Variants in NECTIN3 observed in about 807,000 individuals in gnomAD.
The protein encoded by NECTIN3 is nectin cell adhesion molecule 3.
A neutral mutation model predicts 49.4 loss-of-function variants in NECTIN3; 8 were observed. The ratio of observed to expected loss-of-function variants is 0.16; its 90% CI spans 0.10 to 0.29. The LOEUF (loss-of-function observed/expected upper bound fraction) is 0.29. Ranked by LOEUF, NECTIN3 falls within the 10% of genes least tolerant of loss-of-function variation. The pLI, the probability that NECTIN3 is intolerant of heterozygous loss-of-function variation, is 1.00. For missense variants in NECTIN3, 581 were observed against 654.6 expected, an observed-to-expected ratio of 0.89 and a Z score of 1.23; for synonymous variants, 277 against 241.1, an observed-to-expected ratio of 1.15 and a Z score of -1.38.
At chr3:111,139,271 T>C (rs190321319), downstream of NECTIN3, among the ~76,000 whole-genome samples, 1 of 151,830 alleles carries the variant, frequency 6.6e-6, no homozygotes, top group East Asian at 1.9e-4. Context: ...TATTTTGCAG[T>C]TTTAATCAGG....
chr3:111,189,269 G>T (rs2107537625), upstream of NECTIN3, among the ~76,000 whole-genome samples: 1 of 152,298 alleles, frequency 6.6e-6, no homozygotes. Context: ...AAAATGGTAT[G>T]AGCAGACTGT....
rs1189120201 is a variant in NECTIN3 at position 111,072,098 on chromosome 3, C to T, written c.81C>T (p.Ala27=). The change falls in exon 1 of 6, where the codon GCC becomes GCT. Residue 27 remains alanine (A), a synonymous_variant. Coordinates refer to ENST00000485303, the MANE Select transcript of NECTIN3 (RefSeq NM_015480.3). ...TTTCCTCCGCTTCTCTCCTCGGAGC[C>T]GGGCTCCTGCTGCAGCCCCCGACGC... is the stretch of plus-strand genomic sequence containing the variant. ...AQLSSASLLG[A]GLLLQPPTPP... is the part of the protein sequence containing the mutation. 1.3e-6 allele frequency: 2 copies of T among 1,549,494 alleles called. No individual in the cohort carries two copies. The highest frequency in any genetic ancestry group is 1.4e-5 in the African/African-American group (1 of 72,898).
intron 1 of NECTIN3, among the ~76,000 whole-genome samples, chr3:111,193,971 T>C (rs2035860053): frequency 6.6e-6 from 1 of 152,100 alleles, no homozygotes. Flanking sequence ...TTTTAAACCT[T>C]TGTGTTATTA....
chr3:111,156,174 G>T (rs1322230100), intron 7 of NECTIN3, among the ~76,000 whole-genome samples: 1 of 152,058 alleles, frequency 6.6e-6, no homozygotes, highest in Non-Finnish European at 1.5e-5. Context: ...AGCCTTCACT[G>T]GTGCTTAAAG....
chr3:111,141,467 C>T (rs1311028353), downstream of NECTIN3, among the ~76,000 whole-genome samples: 5 of 151,566 alleles, frequency 3.3e-5, no homozygotes, highest in Non-Finnish European at 7.4e-5. Flanking sequence ...AAAAATACTT[C>T]AATTTATTAT....
At chr3:111,167,824 C>T (rs2035349520) in intron 7 of NECTIN3, among the ~76,000 whole-genome samples, 1 of 152,136 alleles carries the variant, frequency 6.6e-6, no homozygotes, top group African/African-American at 2.4e-5. Flanking sequence ...GAAAAATCCC[C>T]CTTTTCACAA....
intron 7 of NECTIN3, among the ~76,000 whole-genome samples, chr3:111,152,370 C>T (rs1486289748): frequency 1.3e-5 from 2 of 151,684 alleles, no homozygotes; most frequent in Non-Finnish European, 3.0e-5. Context: ...ATAAAAATAC[C>T]TGTTTCTCCA....
At chr3:111,152,394 A>T (rs2035018323) in intron 7 of NECTIN3, among the ~76,000 whole-genome samples, 1 of 151,894 alleles carries the variant, frequency 6.6e-6, no homozygotes, top group Admixed American at 6.6e-5. Context: ...CCTCACCAAT[A>T]GTATGTATAT....
chr3:111,138,851 C>T (rs1474303114), downstream of NECTIN3, among the ~76,000 whole-genome samples: 3 of 151,514 alleles, frequency 2.0e-5, no homozygotes, highest in East Asian at 1.9e-4. Context: ...ACATGATATG[C>T]AAGTTGTACA....
intron 1 of NECTIN3, among the ~76,000 whole-genome samples, chr3:111,085,659 CT>C (rs2031880529): frequency 6.6e-6 from 1 of 151,674 alleles, no homozygotes; most frequent in African/African-American, 2.4e-5. Context: ...TACTTCTTTG[CT>C]TACACTGTGA....
chr3:111,122,682 T>C (rs2034005781), intron 4 of NECTIN3, among the ~76,000 whole-genome samples: 1 of 152,198 alleles, frequency 6.6e-6, no homozygotes, highest in African/African-American at 2.4e-5. Flanking sequence ...TACTAAGAGC[T>C]AAGTAGTAGT....
intron 7 of NECTIN3, among the ~76,000 whole-genome samples, chr3:111,165,083 G>C (rs963414086): frequency 1.3e-5 from 2 of 151,930 alleles, no homozygotes; most frequent in East Asian, 3.9e-4. Flanking sequence ...GTCTCGCTCT[G>C]TCGCCCAGGC....
At chr3:111,190,439 T>C (rs941335165), upstream of NECTIN3, among the ~76,000 whole-genome samples, 15 of 152,242 alleles carry the variant, frequency 9.9e-5, 1 homozygote, top group East Asian at 2.3e-3. Flanking sequence ...TGTTAGTCTG[T>C]TCAGGCTTCT....
rs1017368884 is a variant in NECTIN3, at chr3:111,076,995, T to C, written c.160+4818T>C. On this transcript the variant is annotated intron_variant, in intron 1 of 5. Transcript: ENST00000485303. ...CGTCTCAAAAAAAAAAAAAAAAATC[T>C]GAAACTTTATTAAGGGTAGCTTCAA... Among the ~76,000 whole-genome samples, 5 of 151,288 alleles carry C rather than the reference T, an allele frequency of 3.3e-5. No homozygotes were observed. The East Asian group carries it at 7.7e-4, about 23-fold the overall frequency.
At chr3:111,125,506 T>G (rs994609501) in intron 4 of NECTIN3, among the ~76,000 whole-genome samples, 1 of 152,174 alleles carries the variant, frequency 6.6e-6, no homozygotes, top group Non-Finnish European at 1.5e-5. Flanking sequence ...TGGTTTAGAG[T>G]AATATGGATA....
chr3:111,076,103 A>C (rs1292562612), intron 1 of NECTIN3, among the ~76,000 whole-genome samples: 1 of 152,116 alleles, frequency 6.6e-6, no homozygotes, highest in African/African-American at 2.4e-5. Flanking sequence ...TGTGTTTATT[A>C]TATATATTTA....
downstream of NECTIN3, among the ~76,000 whole-genome samples, chr3:111,138,270 G>T (rs2034648577): frequency 6.6e-6 from 1 of 151,356 alleles, no homozygotes; most frequent in East Asian, 1.9e-4. Context: ...TTTTGACCAG[G>T]GTTTTTCTTT....
chr3:111,139,270 G>C (rs1403636113), downstream of NECTIN3, among the ~76,000 whole-genome samples: 1 of 151,678 alleles, frequency 6.6e-6, no homozygotes, highest in Non-Finnish European at 1.5e-5. Flanking sequence ...GTATTTTGCA[G>C]TTTTAATCAG....
intron 1 of NECTIN3, among the ~76,000 whole-genome samples, chr3:111,108,527 C>G (rs748403026): frequency 6.6e-5 from 10 of 151,998 alleles, no homozygotes; most frequent in Non-Finnish European, 1.3e-4. Flanking sequence ...TCTTAGTCAA[C>G]TTGGGGTGTG....
Sources: gnomAD v4.1 joint callset for allele counts (sites outside exome capture counted in the v4.1 genomes callset) on GRCh38, gnomAD v4.1.1 for gene constraint, MANE v1.5 for transcripts, NCBI Gene and HGNC (gene_info 2026-07-23, HGNC 2026-07-21) for gene names.